Variants in JARID2 observed in about 807,000 individuals in gnomAD.
JARID2 encodes protein Jumonji.
Under a neutral mutation model 125.6 loss-of-function variants are expected in JARID2, and 21 were observed. The ratio of observed to expected loss-of-function variants is 0.17; its 90% CI spans 0.12 to 0.24. JARID2 has a LOEUF of 0.24. Among genes scored for constraint, JARID2 ranks in the 10% least tolerant of loss-of-function variants. JARID2 has a pLI of 1.00. For missense variants in JARID2, 1,303 were observed against 1,639.6 expected, an observed-to-expected ratio of 0.79 and a Z score of 3.55; for synonymous variants, 736 against 661.6, an observed-to-expected ratio of 1.11 and a Z score of -1.73.
chr6:15,521,367 GTACATA>G lies in JARID2; in HGVS notation c.*1118_*1123del, dbSNP rs1391400537. The G allele has an allele frequency of 6.9e-6, 1 of 145,854 alleles. No homozygotes were observed. The highest frequency in any genetic ancestry group is 1.5e-5 in the Non-Finnish European group (1 of 66,620). 9.0% of individuals were successfully genotyped at this position (145,854 alleles called of 1,614,324 possible). A position where few individuals can be genotyped will look rare whatever the true frequency, so the allele number is the denominator to read the frequency against. ...AAGAAAAAAAAATCCCATCCCTTTT[GTACATA>G]TGCCTGTAAATTGTTTTAAATACTT... On this transcript the variant is annotated 3_prime_UTR_variant, in exon 18 of 18. Transcript: ENST00000341776.
chr6:15,418,528 A>G (rs1581535082), intron 3 of JARID2, among the ~76,000 whole-genome samples: 1 of 152,244 alleles, frequency 6.6e-6, no homozygotes, highest in African/African-American at 2.4e-5. Flanking sequence ...TATATTCTTT[A>G]GAAGGGTATA....
intron 7 of JARID2, among the ~76,000 whole-genome samples, chr6:15,497,600 G>A (rs186179617): frequency 0.017 from 2,459 of 148,484 alleles, 35 homozygotes; most frequent in Middle Eastern, 0.059. Flanking sequence ...GCAGTGAGCC[G>A]AGATCACACC....
intron 1 of JARID2, among the ~76,000 whole-genome samples, chr6:15,259,922 C>A (rs11962776): frequency 0.15 from 22,619 of 152,004 alleles, 2,381 homozygotes; most frequent in African/African-American, 0.3. Flanking sequence ...TCAGATTAAA[C>A]TGTGGACAGC....
At chr6:15,392,272 T>A (rs1285524570) in intron 2 of JARID2, among the ~76,000 whole-genome samples, 1 of 152,174 alleles carries the variant, frequency 6.6e-6, no homozygotes, top group Non-Finnish European at 1.5e-5. Flanking sequence ...GTTTTTAGTT[T>A]TCTGAATAAG....
At chr6:15,513,678 TCCTC>T (rs756274167) in intron 16 of JARID2, among the ~76,000 whole-genome samples, 20 of 152,172 alleles carry the variant, frequency 1.3e-4, no homozygotes, top group Non-Finnish European at 2.8e-4. Flanking sequence ...AGTGCGTCCT[TCCTC>T]CCTGGGGAGC....
Position 15,520,727 on chromosome 6 carries a change from T to C in JARID2, c.*476T>C. ...CACACGAAACTTGAAATGGCTTTGC[T>C]TTGGCTGTCGTCTTCTGCCGTGTGC... On this transcript the variant is annotated 3_prime_UTR_variant, in exon 18 of 18. Transcript: ENST00000341776. The C allele has an allele frequency of 2.2e-6, 1 of 455,572 alleles. No homozygotes were observed. The highest frequency in any genetic ancestry group is 1.5e-5 in the South Asian group (1 of 64,542). The allele number at this position is 455,572 out of a possible 1,614,324, so 28.2% of individuals were successfully genotyped here.
chr6:15,509,056 G>A (rs760352836), intron 12 of JARID2: 15 of 1,289,206 alleles, frequency 1.2e-5, no homozygotes, highest in African/African-American at 4.6e-5. Flanking sequence ...GGAGACACGC[G>A]CGTTATGTAC....
intron 6 of JARID2, 85 bp downstream of exon 6, chr6:15,487,627 G>A (rs1769943333): frequency 1.6e-6 from 2 of 1,213,204 alleles, no homozygotes; most frequent in African/African-American, 1.5e-5. Flanking sequence ...ATCTTCAGAG[G>A]GCTCAAGAAG....
chr6:15,425,026 C>T (rs956913567), intron 3 of JARID2, among the ~76,000 whole-genome samples: 4 of 152,214 alleles, frequency 2.6e-5, no homozygotes, highest in Non-Finnish European at 5.9e-5. Flanking sequence ...CCCATCCTAC[C>T]GATGAGAACA....
rs116104358 is a variant in JARID2, at chr6:15,521,187, C to T, written c.*936C>T. 1 of 156,734 alleles carries T rather than the reference C, an allele frequency of 6.4e-6. No individual in the cohort carries two copies. Among genetic ancestry groups the T allele is most frequent in the East Asian group, 1.9e-4 (1 of 5,316 alleles). The allele number at this position is 156,734 out of a possible 1,614,324, so 9.7% of individuals were successfully genotyped here. On this transcript the variant is annotated 3_prime_UTR_variant, in exon 18 of 18. Coordinates refer to ENST00000341776, the MANE Select transcript of JARID2 (RefSeq NM_004973.4). The stretch of plus-strand genomic sequence containing the variant: ...CCATCTCACCGCTTCTTGTTTGACA[C>T]CTTCACAAGTCAGCATTAATCTTTC...
In JARID2 at chr6:15,518,680, C is replaced by G. The variant is rs192475359; in HGVS notation, c.3559-1389C>G. ...TCTTTTTAGTAGAGACAGGGTTTTA[C>G]CATGTTGGTCAGGCTGGTCTCAAAC... On this transcript the variant is annotated intron_variant, in intron 17 of 17. Coordinates refer to ENST00000341776, the MANE Select transcript of JARID2 (RefSeq NM_004973.4). Among the ~76,000 whole-genome samples, 315 of 152,276 alleles carry G rather than the reference C, an allele frequency of 2.1e-3. 1 individual carries two copies. The highest frequency in any genetic ancestry group is 3.8e-3 in the Non-Finnish European group (257 of 68,024).
chr6:15,444,477 G>A (rs1371184070), intron 3 of JARID2, among the ~76,000 whole-genome samples: 4 of 152,066 alleles, frequency 2.6e-5, no homozygotes, highest in Non-Finnish European at 5.9e-5. Context: ...GGTATCCCTT[G>A]CCCGACCCCC....
chr6:15,278,410 C>A (rs1367724999), intron 1 of JARID2, among the ~76,000 whole-genome samples: 1 of 151,668 alleles, frequency 6.6e-6, no homozygotes, highest in Admixed American at 6.6e-5. Flanking sequence ...CACGGTGAAA[C>A]CCCGTCTCTA....
At chr6:15,494,956 G>T (rs1373793453) in intron 6 of JARID2, among the ~76,000 whole-genome samples, 23 of 152,074 alleles carry the variant, frequency 1.5e-4, no homozygotes, top group Admixed American at 1.5e-3. Context: ...AGAAGAGGGG[G>T]CTAGTATTCT....
chr6:15,276,674 G>C (rs1760533344), intron 1 of JARID2, among the ~76,000 whole-genome samples: 1 of 152,132 alleles, frequency 6.6e-6, no homozygotes, highest in African/African-American at 2.4e-5. Flanking sequence ...TTTTCATTAG[G>C]TCAGAGATAC....
intron 1 of JARID2, among the ~76,000 whole-genome samples, chr6:15,366,162 C>T (rs1253388180): frequency 6.6e-6 from 1 of 152,042 alleles, no homozygotes; most frequent in Non-Finnish European, 1.5e-5. Context: ...TATCAGGCAG[C>T]CACAAGTTGT....
intron 1 of JARID2, among the ~76,000 whole-genome samples, chr6:15,295,756 T>C (rs537284477): frequency 1.4e-4 from 22 of 152,300 alleles, no homozygotes; most frequent in Non-Finnish European, 2.8e-4. Context: ...CTCTGCCTCC[T>C]GAGTTCAAGT....
Position 15,496,647 on chromosome 6 carries a change from C to T in JARID2, c.1422C>T (p.Ala474=), listed in dbSNP as rs771696543. The T allele has an allele frequency of 6.2e-7, 1 of 1,611,782 alleles. No homozygotes were observed. The highest frequency in any genetic ancestry group is 2.2e-5 in the East Asian group (1 of 44,856). ...CCGCCGAAGGCCCTGGCAAGAAGGC[C>T]CCGGCCGAGAGAGGTCTGCTGAACG... ...AGPAEGPGKK[A]PAERGLLNGH... The change falls in exon 7 of 18, where the codon GCC becomes GCT. Residue 474 remains alanine (A), a synonymous_variant. Transcript: ENST00000341776.
At chr6:15,375,095 G>A (rs1307134993) in intron 2 of JARID2, among the ~76,000 whole-genome samples, 11 of 152,098 alleles carry the variant, frequency 7.2e-5, no homozygotes, top group Admixed American at 7.2e-4. Flanking sequence ...AGTTTGTTAG[G>A]GTGCCAAAGG....
Sources: gnomAD v4.1 joint callset for allele counts (sites outside exome capture counted in the v4.1 genomes callset) on GRCh38, gnomAD v4.1.1 for gene constraint, MANE v1.5 for transcripts, NCBI Gene and HGNC (gene_info 2026-07-23, HGNC 2026-07-21) for gene names.